Variants in IMMP2L observed in about 807,000 individuals in gnomAD.
IMMP2L encodes inner mitochondrial membrane peptidase subunit 2, also known as mitochondrial inner membrane protease subunit 2.
IMMP2L carries 18 observed loss-of-function variants against 19.3 expected under a neutral mutation model. The observed-to-expected ratio is 0.93, with a 90% CI of 0.64 to 1.38. The LOEUF (loss-of-function observed/expected upper bound fraction) is 1.38, where lower values mean the gene tolerates loss of function less well. Among genes scored for constraint, IMMP2L ranks in the 40% most tolerant of loss-of-function variants. The probability of loss-of-function intolerance (pLI) is 0.00; values close to 1 mark genes in which losing one functional copy is unlikely to be tolerated. For synonymous variants in IMMP2L, 76 were observed against 73.0 expected (o/e 1.04, Z -0.21); for missense variants, 233 against 218.2 (o/e 1.07, Z -0.43).
At chr7:110,733,218 G>A (rs1796391027) in intron 5 of IMMP2L, among the ~76,000 whole-genome samples, 1 of 152,176 alleles carries the variant, frequency 6.6e-6, no homozygotes, top group Admixed American at 6.5e-5. Context: ...AGGGTTGTCA[G>A]GGACTGGTCT....
intron 3 of IMMP2L, among the ~76,000 whole-genome samples, chr7:111,251,423 A>C (rs1270059105): frequency 1.3e-5 from 2 of 152,160 alleles, no homozygotes; most frequent in Non-Finnish European, 2.9e-5. Flanking sequence ...AAGGATTATA[A>C]ATCATTCTAT....
At chr7:111,055,120 G>A (rs764099817) in intron 3 of IMMP2L, among the ~76,000 whole-genome samples, 2 of 150,100 alleles carry the variant, frequency 1.3e-5, no homozygotes, top group Non-Finnish European at 1.5e-5. Flanking sequence ...GTGCAATCAC[G>A]TCTCACTGCA....
intron 5 of IMMP2L, among the ~76,000 whole-genome samples, chr7:110,862,748 G>C (rs1328096385): frequency 6.6e-6 from 1 of 151,884 alleles, no homozygotes; most frequent in Non-Finnish European, 1.5e-5. Flanking sequence ...AGACCTTCAG[G>C]TCTTTTGTGA....
In IMMP2L at chr7:110,870,097, C is replaced by T. The variant is rs1240312095; in HGVS notation, c.408+16496G>A. On this transcript the variant is annotated intron_variant, in intron 5 of 5. Coordinates refer to ENST00000405709, the MANE Select transcript of IMMP2L (RefSeq NM_032549.4). The surrounding 1 kb of genome is among the most constrained non-coding windows in gnomAD (Gnocchi z 4.2). ...AGCTCTGTGCTCTGCCTAAAGGAAA[C>T]TTTTTATTTGGTCCTGTTTCTCCTT... 6.6e-6 allele frequency among the ~76,000 whole-genome samples: 1 copy of T among 152,102 alleles called. No homozygotes were observed. Among genetic ancestry groups the T allele is most frequent in the Non-Finnish European group, 1.5e-5 (1 of 68,014 alleles).
At chr7:111,228,977 G>A (rs1454793205) in intron 3 of IMMP2L, among the ~76,000 whole-genome samples, 5 of 148,572 alleles carry the variant, frequency 3.4e-5, no homozygotes, top group African/African-American at 1.0e-4. Flanking sequence ...GTGTGTGTGT[G>A]TGTGTGTGTG....
At chr7:110,966,806 G>T (rs2041531) in intron 3 of IMMP2L, among the ~76,000 whole-genome samples, 68,154 of 151,770 alleles carry the variant, frequency 0.45, 17,116 homozygotes, top group Non-Finnish European at 0.58. Context: ...GATCTCAGCA[G>T]AAGTGCTCAG....
chr7:110,983,692 G>A (rs1821543811), intron 3 of IMMP2L, among the ~76,000 whole-genome samples: 1 of 151,940 alleles, frequency 6.6e-6, no homozygotes, highest in Non-Finnish European at 1.5e-5. Context: ...ATGAAGCACT[G>A]TCCAATTAGA....
At chr7:111,359,859 G>A (rs1829094653) in intron 3 of IMMP2L, among the ~76,000 whole-genome samples, 1 of 151,948 alleles carries the variant, frequency 6.6e-6, no homozygotes, top group Admixed American at 6.6e-5. Context: ...GTGGAGGGAG[G>A]GTGGGAAAGA....
At chr7:111,017,293 G>T (rs1825810910) in intron 3 of IMMP2L, among the ~76,000 whole-genome samples, 1 of 151,610 alleles carries the variant, frequency 6.6e-6, no homozygotes, top group Admixed American at 6.6e-5. Flanking sequence ...CACACTCCTA[G>T]GCTCAAGTGA....
rs1484229556 is a variant in IMMP2L at position 111,214,328 on chromosome 7, C to CTTTTTTTTTT, written c.240-250764_240-250763insAAAAAAAAAA. Among the ~76,000 whole-genome samples the CTTTTTTTTTT allele has an allele frequency of 2.5e-4, 21 of 85,120 alleles. 7 individuals carry two copies. The highest frequency in any genetic ancestry group is 3.6e-4 in the East Asian group (1 of 2,808). 55.8% of individuals were successfully genotyped at this position (85,120 alleles called of 152,430 possible). A position where few individuals can be genotyped will look rare whatever the true frequency, so the allele number is the denominator to read the frequency against. ...GTGAATGAATGACAAAGTAATTTTT[C>CTTTTTTTTTT]TTCTTTTTTTTTTTTTTTTTTTTTT... On this transcript the variant is annotated intron_variant, in intron 3 of 5. Transcript: ENST00000405709.
chr7:111,281,468 C>T (rs576764928), intron 3 of IMMP2L, among the ~76,000 whole-genome samples: 152 of 152,186 alleles, frequency 1.0e-3, no homozygotes, highest in South Asian at 8.3e-4. Flanking sequence ...ACATGGAAGA[C>T]TTCCATAGCA....
rs1006125197 is a variant in IMMP2L, at chr7:110,727,751, G to A, written c.409-64030C>T. On this transcript the variant is annotated intron_variant, in intron 5 of 5. Coordinates refer to ENST00000405709, the MANE Select transcript of IMMP2L (RefSeq NM_032549.4). The surrounding 1 kb of genome is among the most constrained non-coding windows in gnomAD (Gnocchi z 4.3). ...TTCTTACCTCCGAAGCTACTGTAGA[G>A]AGTATTATTATCTAAGAGAGTCTGG... 1.2e-4 allele frequency among the ~76,000 whole-genome samples: 19 copies of A among 152,196 alleles called. No individual in the cohort carries two copies. Among genetic ancestry groups the A allele is most frequent in the Admixed American group, 2.6e-4 (4 of 15,276 alleles).
In IMMP2L at chr7:111,117,341, T is replaced by C. The variant is rs906495754; in HGVS notation, c.240-153776A>G. On this transcript the variant is annotated intron_variant, in intron 3 of 5. Coordinates refer to ENST00000405709, the MANE Select transcript of IMMP2L (RefSeq NM_032549.4). The stretch of plus-strand genomic sequence containing the variant: ...CTCATGCAACCAAATTTCTAAATTA[T>C]AGAGATCAATAATCTGAGGTACAAG... 3.3e-5 allele frequency among the ~76,000 whole-genome samples: 5 copies of C among 152,216 alleles called. No individual in the cohort carries two copies. In the East Asian group the frequency reaches 5.8e-4, roughly 18 times the overall value.
chr7:111,550,328 A>C (rs1268576537), intron 1 of IMMP2L, among the ~76,000 whole-genome samples: 5 of 152,172 alleles, frequency 3.3e-5, no homozygotes, highest in African/African-American at 1.2e-4. Context: ...AGCACAACCC[A>C]AGATTTTTAG....
chr7:110,829,497 C>G (rs1018143351), intron 5 of IMMP2L, among the ~76,000 whole-genome samples: 5 of 151,926 alleles, frequency 3.3e-5, no homozygotes, highest in Non-Finnish European at 5.9e-5. Context: ...GGGTGGTGTT[C>G]TATAATAAAA....
chr7:111,126,075 G>C (rs987553977), intron 3 of IMMP2L, among the ~76,000 whole-genome samples: 8 of 151,830 alleles, frequency 5.3e-5, no homozygotes, highest in African/African-American at 1.9e-4. Flanking sequence ...TGCCCACCTC[G>C]GTGCCCCAAA....
intron 3 of IMMP2L, among the ~76,000 whole-genome samples, chr7:111,450,292 A>T (rs371654795): frequency 2.6e-5 from 4 of 151,386 alleles, no homozygotes; most frequent in Non-Finnish European, 4.4e-5. Flanking sequence ...GAGGCATCAC[A>T]CTACATGACT....
intron 2 of IMMP2L, among the ~76,000 whole-genome samples, chr7:111,493,692 A>G (rs1049155666): frequency 2.1e-5 from 3 of 145,526 alleles, no homozygotes; most frequent in Non-Finnish European, 4.5e-5. Context: ...GCGACAGAGC[A>G]AGACTCCGTC....
chr7:110,879,387 CAA>C (rs35022284), intron 5 of IMMP2L, among the ~76,000 whole-genome samples: 85 of 142,188 alleles, frequency 6.0e-4, no homozygotes, highest in African/African-American at 2.0e-3. Flanking sequence ...GAATCTATCT[CAA>C]AAAAAAAAAA....
Sources: gnomAD v4.1 joint callset for allele counts (sites outside exome capture counted in the v4.1 genomes callset) on GRCh38, gnomAD v4.1.1 for gene constraint, Gnocchi (gnomAD v3.1) non-coding constraint, MANE v1.5 for transcripts, NCBI Gene and HGNC (gene_info 2026-07-23, HGNC 2026-07-21) for gene names.